The following MAFB variants were observed in gnomAD, a reference collection of about 807,000 sequenced individuals.
MAFB encodes transcription factor MafB.
MAFB carries 3 observed loss-of-function variants against 17.7 expected under a neutral mutation model. The ratio of observed to expected loss-of-function variants is 0.17; its 90% CI spans 0.08 to 0.44. The LOEUF (loss-of-function observed/expected upper bound fraction) is 0.44. MAFB is among the 20% of genes least tolerant of loss of function. MAFB has a pLI of 0.99. For missense variants in MAFB, 355 were observed against 461.3 expected (o/e 0.77, Z 2.11); for synonymous variants, 214 against 211.5 (o/e 1.01, Z -0.10).
In MAFB at chr20:40,688,602, C is replaced by A; in HGVS notation, c.249G>T (p.Glu83Asp). The A allele has an allele frequency of 3.1e-6, 5 of 1,614,120 alleles. No individual in the cohort carries two copies. Among genetic ancestry groups the A allele is most frequent in the Non-Finnish European group, 4.2e-6 (5 of 1,179,972 alleles). ...AGTTGCTCGCCATCCAGTACAGATC[C>A]TCGAGGTGTGTCTTCTGTTCGGTCG... Reference protein sequence around the residue: ...FSPTEQKTHLEDLYWMASNYQ... With the variant: ...FSPTEQKTHLDDLYWMASNYQ... Residue 83 changes from glutamate to aspartate, a missense_variant, in exon 1 of 1, where the codon GAG becomes GAT. Transcript: ENST00000373313.
rs776907440 is a variant in MAFB at position 40,688,858 on chromosome 20, G to A, written c.-8C>T. The A allele has an allele frequency of 6.3e-7, 1 of 1,579,454 alleles. No individual in the cohort carries two copies. Among genetic ancestry groups the A allele is most frequent in the Non-Finnish European group, 8.6e-7 (1 of 1,165,468 alleles). ...GCTCAGCTCCGCGGCCATCGCTGAA[G>A]CGAGGCGCAGCCGCCGCTGCCGCCC... On this transcript the variant is annotated 5_prime_UTR_variant, in exon 1 of 1. Coordinates refer to ENST00000373313, the MANE Select transcript of MAFB (RefSeq NM_005461.5).
chr20:40,686,114 T>G lies in MAFB; in HGVS notation c.*1765A>C, dbSNP rs1343457138. On this transcript the variant is annotated 3_prime_UTR_variant, in exon 1 of 1. Coordinates refer to ENST00000373313, the MANE Select transcript of MAFB (RefSeq NM_005461.5). Reference sequence around the variant, plus strand: ...GACAAATATCCACAATATTTAAAACTGCAAGCACCATGCGGTTCATACAAT... The same window carrying G: ...GACAAATATCCACAATATTTAAAACGGCAAGCACCATGCGGTTCATACAAT... 2.5e-5 allele frequency: 5 copies of G among 200,566 alleles called. No homozygotes were observed. The highest frequency in any genetic ancestry group is 1.1e-4 in the African/African-American group (5 of 43,548). 12.4% of individuals were successfully genotyped at this position (200,566 alleles called of 1,614,324 possible).
At position 40,686,532 on chromosome 20, in the gene MAFB, T is replaced by C. The variant is rs1415687182; in HGVS notation, c.*1347A>G. Reference sequence around the variant, plus strand: ...GTGCAGTGTCTGCTTACCAGTGCACTGCCAGGGTCAGGGATGGCTAAGCCT... The same window carrying C: ...GTGCAGTGTCTGCTTACCAGTGCACCGCCAGGGTCAGGGATGGCTAAGCCT... On this transcript the variant is annotated 3_prime_UTR_variant, in exon 1 of 1. Transcript: ENST00000373313. 5.0e-6 allele frequency: 2 copies of C among 396,496 alleles called. No individual in the cohort carries two copies. Among genetic ancestry groups the C allele is most frequent in the East Asian group, 7.1e-5 (2 of 28,030 alleles). 24.6% of individuals were successfully genotyped at this position (396,496 alleles called of 1,614,324 possible). A position where few individuals can be genotyped will look rare whatever the true frequency, so the allele number is the denominator to read the frequency against.
chr20:40,686,023 C>A lies in MAFB; in HGVS notation c.*1856G>T, dbSNP rs1404152376. ...ATTTTACATGAAATAAAAACAATTT[C>A]TGTTGCGGCAGGTTTGATTTCAACA... On this transcript the variant is annotated 3_prime_UTR_variant, in exon 1 of 1. Transcript: ENST00000373313. The A allele has an allele frequency of 2.1e-5, 4 of 190,850 alleles. No homozygotes were observed. The East Asian group carries it at 2.5e-4, about 12-fold the overall frequency. 11.8% of individuals were successfully genotyped at this position (190,850 alleles called of 1,614,324 possible). A position where few individuals can be genotyped will look rare whatever the true frequency, so the allele number is the denominator to read the frequency against.
chr20:40,686,286 G>GAA lies in MAFB; in HGVS notation c.*1591_*1592dup. On this transcript the variant is annotated 3_prime_UTR_variant, in exon 1 of 1. Coordinates refer to ENST00000373313, the MANE Select transcript of MAFB (RefSeq NM_005461.5). ...ACTTAAATCCTTTTACTGACCTGCA[G>GAA]AAAAAAAAAAGTAATAATAAAGAAA... 6 of 207,456 alleles carry GAA rather than the reference G, an allele frequency of 2.9e-5. No individual in the cohort carries two copies. Among genetic ancestry groups the GAA allele is most frequent in the Non-Finnish European group, 5.8e-5 (6 of 103,136 alleles). 12.9% of individuals were successfully genotyped at this position (207,456 alleles called of 1,614,324 possible). A position where few individuals can be genotyped will look rare whatever the true frequency, so the allele number is the denominator to read the frequency against.
At position 40,688,532 on chromosome 20, in the gene MAFB, C is replaced by T; in HGVS notation, c.319G>A (p.Ala107Thr). The part of the protein sequence containing the change: ...PEALNLTPED[A>T]VEALIGSHPV... ...TGCGAGCCGATGAGCGCTTCCACCG[C>T]GTCCTCGGGCGTCAGGTTGAGCGCC... Residue 107 changes from alanine (A) to threonine (T), a missense_variant, in exon 1 of 1, where the codon GCG (alanine) becomes ACG (threonine). By Grantham distance (58) the Ala-to-Thr change is moderately conservative. Around this residue, in one of 3 missense-constraint regions of MAFB, gnomAD observed 285 missense variants for 350.0 expected, o/e 0.81. Transcript: ENST00000373313. 1.1e-5 allele frequency: 17 copies of T among 1,613,878 alleles called. No individual in the cohort carries two copies. The highest frequency in any genetic ancestry group is 1.4e-5 in the Non-Finnish European group (16 of 1,179,968).
Position 40,687,811 on chromosome 20 carries a change from C to G in MAFB, c.*68G>C. ...CGGCAGGGACAGGGTCCGGGGTAGTCTGGGACTAGGGACGTGGGACAGGGA... is the reference window on the plus strand; with the variant it reads ...CGGCAGGGACAGGGTCCGGGGTAGTGTGGGACTAGGGACGTGGGACAGGGA... On this transcript the variant is annotated 3_prime_UTR_variant, in exon 1 of 1. Coordinates refer to ENST00000373313, the MANE Select transcript of MAFB (RefSeq NM_005461.5). The G allele has an allele frequency of 6.5e-7, 1 of 1,542,656 alleles. No homozygotes were observed. Among genetic ancestry groups the G allele is most frequent in the Non-Finnish European group, 8.7e-7 (1 of 1,144,604 alleles).
chr20:40,688,376 C>A lies in MAFB; in HGVS notation c.475G>T (p.Ala159Ser). 1 of 1,551,886 alleles carries A rather than the reference C, an allele frequency of 6.4e-7. No individual in the cohort carries two copies. The part of the protein sequence containing the change: ...GVAHDELGPH[A>S]HPHHHHHHQA... ...TGATGATGGTGATGGTGCGGGTGAG[C>A]GTGCGGGCCCAGCTCGTCGTGGGCC... Residue 159 changes from alanine (A) to serine (S), a missense_variant, in exon 1 of 1, where the codon GCT becomes TCT. This residue lies in a region of MAFB where 285 missense variants were observed against 350.0 expected (regional missense o/e 0.81). Transcript: ENST00000373313.
chr20:40,687,937 C>G lies in MAFB; in HGVS notation c.914G>C (p.Gly305Ala), dbSNP rs747176764. The G allele has an allele frequency of 6.2e-6, 10 of 1,613,684 alleles. No individual in the cohort carries two copies. Among genetic ancestry groups the G allele is most frequent in the Non-Finnish European group, 6.8e-6 (8 of 1,180,044 alleles). ...KVKCEKLANS[G>A]FREAGSTSDS... Reference sequence around the variant, plus strand: ...GCTGGTGGAGCCCGCCTCCCTGAAGCCGGAGTTGGCGAGTTTCTCGCACTT... The same window carrying G: ...GCTGGTGGAGCCCGCCTCCCTGAAGGCGGAGTTGGCGAGTTTCTCGCACTT... Residue 305 changes from glycine (G) to alanine (A), a missense_variant, in exon 1 of 1, where the codon GGC becomes GCC. Physicochemically the swap from Gly to Ala is moderately conservative, Grantham distance 60. This residue lies in a region of MAFB where 63 missense variants were observed against 69.4 expected (regional missense o/e 0.91). Coordinates refer to ENST00000373313, the MANE Select transcript of MAFB (RefSeq NM_005461.5).
rs763073878 is a variant in MAFB at position 40,687,028 on chromosome 20, G to A, written c.*851C>T. The A allele has an allele frequency of 2.5e-6, 1 of 398,040 alleles. No individual in the cohort carries two copies. The highest frequency in any genetic ancestry group is 4.4e-6 in the Non-Finnish European group (1 of 225,942). 24.7% of individuals were successfully genotyped at this position (398,040 alleles called of 1,614,324 possible). A position where few individuals can be genotyped will look rare whatever the true frequency, so the allele number is the denominator to read the frequency against. On this transcript the variant is annotated 3_prime_UTR_variant, in exon 1 of 1. Transcript: ENST00000373313. ...ACAAAGACCCTCAGCTTGCTGCCACGTTCTCTATGCGGTTTGGCGGGGCGG... is the reference window on the plus strand; with the variant it reads ...ACAAAGACCCTCAGCTTGCTGCCACATTCTCTATGCGGTTTGGCGGGGCGG...
Position 40,687,741 on chromosome 20 carries a change from C to T in MAFB, c.*138G>A, listed in dbSNP as rs976593213. 8.7e-7 allele frequency: 1 copy of T among 1,143,866 alleles called. No homozygotes were observed. Among genetic ancestry groups the T allele is most frequent in the Non-Finnish European group, 1.2e-6 (1 of 832,404 alleles). 70.9% of individuals were successfully genotyped at this position (1,143,866 alleles called of 1,614,324 possible). The stretch of plus-strand genomic sequence containing the variant: ...CGCCCGTCGCCCGCGGCCCGCGCGC[C>T]CTTCCTCCCTCTCGCTCAAGTCAAA... On this transcript the variant is annotated 3_prime_UTR_variant, in exon 1 of 1. Transcript: ENST00000373313.
In MAFB at chr20:40,686,706, C is replaced by G. The variant is rs1460979947; in HGVS notation, c.*1173G>C. On this transcript the variant is annotated 3_prime_UTR_variant, in exon 1 of 1. Transcript: ENST00000373313. Reference sequence around the variant, plus strand: ...TTCTTATTAAGGGTATCAATTTGACCATAAGACAAGGCTGTAGTCCAGAAC... The same window carrying G: ...TTCTTATTAAGGGTATCAATTTGACGATAAGACAAGGCTGTAGTCCAGAAC... The G allele has an allele frequency of 7.5e-6, 3 of 398,444 alleles. No homozygotes were observed. Among genetic ancestry groups the G allele is most frequent in the Non-Finnish European group, 1.3e-5 (3 of 226,056 alleles). The allele number at this position is 398,444 out of a possible 1,614,324, so 24.7% of individuals were successfully genotyped here.
In MAFB at chr20:40,687,856, C is replaced by CG; in HGVS notation, c.*22dup. The CG allele has an allele frequency of 6.2e-7, 1 of 1,601,918 alleles. No homozygotes were observed. Among genetic ancestry groups the CG allele is most frequent in the Non-Finnish European group, 8.5e-7 (1 of 1,177,794 alleles). On this transcript the variant is annotated 3_prime_UTR_variant, in exon 1 of 1. Coordinates refer to ENST00000373313, the MANE Select transcript of MAFB (RefSeq NM_005461.5). ...CAGGGAGTCCGGGCCGGGGCAAGGGCGGGGGCCAGGACCGGCCACGACTCA... is the reference window on the plus strand; with the variant it reads ...CAGGGAGTCCGGGCCGGGGCAAGGGCGGGGGGCCAGGACCGGCCACGACTCA...
chr20:40,688,222 C>T lies in MAFB; in HGVS notation c.629G>A (p.Arg210His), dbSNP rs1568743476. Reference protein sequence around the residue: ...AAGGNGSVEDRFSDDQLVSMS... With the variant: ...AAGGNGSVEDHFSDDQLVSMS... ...GGACACGAGCTGGTCGTCGGAGAAG[C>T]GGTCCTCCACGCTGCCGTTGCCGCC... The change falls in exon 1 of 1, where the codon CGC becomes CAC. Residue 210 changes from arginine to histidine, a missense_variant. Arg to His is a conservative substitution (Grantham distance 29). Transcript: ENST00000373313. 2 of 1,577,660 alleles carry T rather than the reference C, an allele frequency of 1.3e-6. No individual in the cohort carries two copies. Among genetic ancestry groups the T allele is most frequent in the Non-Finnish European group, 8.6e-7 (1 of 1,168,898 alleles).
rs542788257 is a variant in MAFB, at chr20:40,686,669, C to T, written c.*1210G>A. On this transcript the variant is annotated 3_prime_UTR_variant, in exon 1 of 1. Coordinates refer to ENST00000373313, the MANE Select transcript of MAFB (RefSeq NM_005461.5). The stretch of plus-strand genomic sequence containing the variant: ...AAAGCAGAGGGGAGGATCTGTTTTC[C>T]TTTCCTTTCCTTTCTTATTAAGGGT... 2.8e-4 allele frequency: 111 copies of T among 398,452 alleles called. No individual in the cohort carries two copies. Among genetic ancestry groups the T allele is most frequent in the Admixed American group, 6.2e-4 (14 of 22,730 alleles). The allele number at this position is 398,452 out of a possible 1,614,324, so 24.7% of individuals were successfully genotyped here.
Position 40,687,189 on chromosome 20 carries a change from A to G in MAFB, c.*690T>C. 1 of 399,036 alleles carries G rather than the reference A, an allele frequency of 2.5e-6. No homozygotes were observed. The highest frequency in any genetic ancestry group is 4.4e-6 in the Non-Finnish European group (1 of 226,104). The allele number at this position is 399,036 out of a possible 1,614,324, so 24.7% of individuals were successfully genotyped here. A position where few individuals can be genotyped will look rare whatever the true frequency, so the allele number is the denominator to read the frequency against. Reference sequence around the variant, plus strand: ...CAACATGCTAAAGTTAAACAAGAAAATGGTACAAAATAGAAATTATTACCA... The same window carrying G: ...CAACATGCTAAAGTTAAACAAGAAAGTGGTACAAAATAGAAATTATTACCA... On this transcript the variant is annotated 3_prime_UTR_variant, in exon 1 of 1. Transcript: ENST00000373313.
At position 40,688,212 on chromosome 20, in the gene MAFB, G is replaced by A. The variant is rs17853698; in HGVS notation, c.639C>T (p.Asp213=). 5.0e-6 allele frequency: 8 copies of A among 1,589,202 alleles called. No homozygotes were observed. The East Asian group carries it at 1.6e-4, about 32-fold the overall frequency. ...GCACGGACATGGACACGAGCTGGTCGTCGGAGAAGCGGTCCTCCACGCTGC... is the reference window on the plus strand; with the variant it reads ...GCACGGACATGGACACGAGCTGGTCATCGGAGAAGCGGTCCTCCACGCTGC... ...GNGSVEDRFS[D]DQLVSMSVRE... Residue 213 remains aspartate (D), a synonymous_variant, in exon 1 of 1, where the codon GAC becomes GAT. Transcript: ENST00000373313.
In MAFB at chr20:40,687,031, C is replaced by T. The variant is rs1473490067; in HGVS notation, c.*848G>A. 2 of 398,678 alleles carry T rather than the reference C, an allele frequency of 5.0e-6. No homozygotes were observed. Among genetic ancestry groups the T allele is most frequent in the African/African-American group, 4.1e-5 (2 of 48,514 alleles). 24.7% of individuals were successfully genotyped at this position (398,678 alleles called of 1,614,324 possible). ...AAGACCCTCAGCTTGCTGCCACGTT[C>T]TCTATGCGGTTTGGCGGGGCGGGTA... On this transcript the variant is annotated 3_prime_UTR_variant, in exon 1 of 1. Coordinates refer to ENST00000373313, the MANE Select transcript of MAFB (RefSeq NM_005461.5).
Position 40,688,549 on chromosome 20 carries a change from T to C in MAFB, c.302A>G (p.Asn101Ser). ...TTCCACCGCGTCCTCGGGCGTCAGGTTGAGCGCCTCGGGGTTCATCTGCTG... is the reference window on the plus strand; with the variant it reads ...TTCCACCGCGTCCTCGGGCGTCAGGCTGAGCGCCTCGGGGTTCATCTGCTG... ...NYQQMNPEAL[N>S]LTPEDAVEAL... Residue 101 changes from asparagine (N) to serine (S), a missense_variant, in exon 1 of 1, where the codon AAC becomes AGC. This residue lies in a region of MAFB where 285 missense variants were observed against 350.0 expected (regional missense o/e 0.81). Coordinates refer to ENST00000373313, the MANE Select transcript of MAFB (RefSeq NM_005461.5). 2 of 1,614,012 alleles carry C rather than the reference T, an allele frequency of 1.2e-6. 1 individual carries two copies. The highest frequency in any genetic ancestry group is 2.2e-5 in the South Asian group (2 of 91,090).
Sources: gnomAD v4.1 joint callset for allele counts on GRCh38, gnomAD v4.1.1 for gene constraint, gnomAD v4.1.1 regional missense constraint, MANE v1.5 for transcripts, NCBI Gene and HGNC (gene_info 2026-07-23, HGNC 2026-07-21) for gene names.